ZNF500: variants seen among roughly 807,000 people sequenced by gnomAD.
The protein encoded by ZNF500 is zinc finger protein with KRAB and SCAN domains 18.
A neutral mutation model predicts 30.1 loss-of-function variants in ZNF500; 31 were observed. The ratio of observed to expected loss-of-function variants is 1.03; its 90% confidence interval spans 0.77 to 1.39. ZNF500 has a LOEUF of 1.39. Among genes scored for constraint, ZNF500 ranks in the 40% most tolerant of loss-of-function variants. ZNF500 has a pLI of 0.00. For synonymous variants in ZNF500, 392 were observed against 282.0 expected, an observed-to-expected ratio of 1.39 and a Z score of -3.91; for missense variants, 817 against 657.8, an observed-to-expected ratio of 1.24 and a Z score of -2.65.
At chr16:4,745,770 G>C (rs1235902145), downstream of ZNF500, among the ~76,000 whole-genome samples, 1 of 152,070 alleles carries the variant, frequency 6.6e-6, no homozygotes, top group South Asian at 2.1e-4. Context: ...GGCCAACATG[G>C]TGAAACCCCA....
intron 5 of ZNF500, among the ~76,000 whole-genome samples, chr16:4,757,455 G>A (rs2082148009): frequency 6.6e-6 from 1 of 151,964 alleles, no homozygotes; most frequent in South Asian, 2.1e-4. Flanking sequence ...TGGGACTACA[G>A]GCATGCACCA....
intron 2 of ZNF500, among the ~76,000 whole-genome samples, chr16:4,764,786 A>G (rs2082245148): frequency 8.9e-6 from 1 of 112,554 alleles, no homozygotes; most frequent in Non-Finnish European, 2.1e-5. Context: ...CATCTCAAAA[A>G]AAAAGAAAAA....
chr16:4,753,417 G>A (rs552884330), intron 5 of ZNF500, among the ~76,000 whole-genome samples: 2 of 152,328 alleles, frequency 1.3e-5, no homozygotes, highest in South Asian at 2.1e-4. Flanking sequence ...AGCTGTGATC[G>A]CGCCACTACA....
At chr16:4,759,438 T>C (rs549159801) in intron 5 of ZNF500, among the ~76,000 whole-genome samples, 1 of 152,248 alleles carries the variant, frequency 6.6e-6, no homozygotes, top group Non-Finnish European at 1.5e-5. Flanking sequence ...AGAGATACAC[T>C]TGTACACCCA....
In ZNF500 at chr16:4,751,238, C is replaced by G. The variant is rs1356802003; in HGVS notation, c.*1138G>C. 2 of 256,928 alleles carry G rather than the reference C, an allele frequency of 7.8e-6. No homozygotes were observed. The highest frequency in any genetic ancestry group is 7.5e-6 in the Non-Finnish European group (1 of 133,192). The allele number at this position is 256,928 out of a possible 1,614,324, so 15.9% of individuals were successfully genotyped here. On this transcript the variant is annotated 3_prime_UTR_variant, in exon 6 of 6. Coordinates refer to ENST00000219478, the MANE Select transcript of ZNF500 (RefSeq NM_021646.4). The stretch of plus-strand genomic sequence containing the variant: ...GCCACTCACCCACCGTGGATGTGCA[C>G]AGACCAGTGGCTCCCACGCAGCACA...
intron 2 of ZNF500, among the ~76,000 whole-genome samples, chr16:4,765,215 T>G (rs928542136): frequency 1.3e-5 from 2 of 152,006 alleles, no homozygotes; most frequent in Non-Finnish European, 1.5e-5. Flanking sequence ...GTGGGAGGAT[T>G]GCTTGAAGCC....
At chr16:4,765,009 C>A (rs919916708) in intron 2 of ZNF500, among the ~76,000 whole-genome samples, 1 of 151,538 alleles carries the variant, frequency 6.6e-6, no homozygotes, top group Non-Finnish European at 1.5e-5. Context: ...CCCACCAAAA[C>A]CTATGTTTGG....
downstream of ZNF500, chr16:4,746,264 G>A (rs1464358095): frequency 3.5e-6 from 4 of 1,151,768 alleles, no homozygotes; most frequent in Non-Finnish European, 5.0e-6. Flanking sequence ...TCTGTAGAGA[G>A]TGGGCACTCA....
Position 4,762,652 on chromosome 16 carries a change from C to T in ZNF500, c.519G>A (p.Glu173=). The change falls in exon 3 of 6, where the codon GAG becomes GAA. Residue 173 remains glutamate (E), a synonymous_variant. Coordinates refer to ENST00000219478, the MANE Select transcript of ZNF500 (RefSeq NM_021646.4). ...AQPEDLSLEE[E]ARFSSQQPPA... Reference sequence around the variant, plus strand: ...GGGGCTGCTGGCTGGAGAATCGAGCCTCTTCCTCCAGGGACAGATCCTCTG... The same window carrying T: ...GGGGCTGCTGGCTGGAGAATCGAGCTTCTTCCTCCAGGGACAGATCCTCTG... 6.2e-7 allele frequency: 1 copy of T among 1,614,164 alleles called. No individual in the cohort carries two copies. Among genetic ancestry groups the T allele is most frequent in the Non-Finnish European group, 8.5e-7 (1 of 1,180,020 alleles).
chr16:4,746,990 C>G (rs749171265), downstream of ZNF500: 1 of 1,542,804 alleles, frequency 6.5e-7, no homozygotes. Flanking sequence ...CTCTGGGAGA[C>G]GCAGAGGGGG....
At chr16:4,755,567 T>C (rs770270175) in intron 5 of ZNF500, among the ~76,000 whole-genome samples, 4 of 152,204 alleles carry the variant, frequency 2.6e-5, no homozygotes, top group Non-Finnish European at 4.4e-5. Context: ...CCCAACCGCC[T>C]TGGCCTCCCA....
chr16:4,747,778 G>C (rs749396205), downstream of ZNF500: 1 of 964,756 alleles, frequency 1.0e-6, no homozygotes, highest in African/African-American at 1.8e-5. Context: ...TGCCCACCCT[G>C]TTAGAGCTCA....
At chr16:4,747,582 G>A (rs780270762), downstream of ZNF500, 12 of 1,610,690 alleles carry the variant, frequency 7.5e-6, no homozygotes, top group African/African-American at 2.7e-5. Context: ...CCTGAGCCAG[G>A]GGCAGCCAGG....
At chr16:4,763,805 T>C in intron 2 of ZNF500, 1 of 985,410 alleles carries the variant, frequency 1.0e-6, no homozygotes, top group Non-Finnish European at 1.2e-6. Flanking sequence ...GCCACCCCGA[T>C]GGCAGGATTT....
Position 4,765,821 on chromosome 16 carries a change from A to G in ZNF500, c.158T>C (p.Phe53Ser). ...CACCTCCTGGTAGCAGAAGAGCCGG[A>G]AGAGCTGGCGGAAAGTCTCAGGGCT... is the stretch of plus-strand genomic sequence containing the variant. The part of the protein sequence containing the change: ...DPSPETFRQL[F>S]RLFCYQEVAG... The change falls in exon 2 of 6, where the codon TTC becomes TCC. Residue 53 changes from phenylalanine (F) to serine (S), a missense_variant. By Grantham distance (155) the Phe-to-Ser change is radical. Transcript: ENST00000219478. The G allele has an allele frequency of 6.2e-7, 1 of 1,613,602 alleles. No individual in the cohort carries two copies.
At chr16:4,766,250 A>C (rs993307255) in intron 1 of ZNF500, among the ~76,000 whole-genome samples, 174 bp from the exon 2 acceptor site, 1 of 152,212 alleles carries the variant, frequency 6.6e-6, no homozygotes, top group Non-Finnish European at 1.5e-5. Context: ...CGGGTAATTT[A>C]CTGAAGGGCT....
downstream of ZNF500, chr16:4,744,811 C>T (rs1015404937): frequency 3.7e-5 from 58 of 1,557,466 alleles, no homozygotes; most frequent in Non-Finnish European, 4.7e-5. Flanking sequence ...GCTCCAGCTG[C>T]TGTAAGTCAC....
chr16:4,745,158 C>A (rs2081998789), downstream of ZNF500: 1 of 1,108,868 alleles, frequency 9.0e-7, no homozygotes, highest in Admixed American at 2.7e-5. Flanking sequence ...TCGCTCCAGT[C>A]ATCCCCATTT....
chr16:4,766,161 AAGG>A, intron 1 of ZNF500, 85 bp from the exon 2 acceptor site: 2 of 563,592 alleles, frequency 3.5e-6, no homozygotes, highest in South Asian at 4.0e-5. Context: ...CCCTGGTTCC[AAGG>A]CCAGCTCACC....
Sources: gnomAD v4.1 joint callset for allele counts (sites outside exome capture counted in the v4.1 genomes callset) on GRCh38, gnomAD v4.1.1 for gene constraint, MANE v1.5 for transcripts, NCBI Gene and HGNC (gene_info 2026-07-23, HGNC 2026-07-21) for gene names.